The following PCGF1 variants were observed in gnomAD, a reference collection of about 807,000 sequenced individuals.
The protein encoded by PCGF1 is polycomb group RING finger protein 1.
A neutral mutation model predicts 38.8 loss-of-function variants in PCGF1; 10 were observed. That is an observed-to-expected ratio of 0.26 (90% CI 0.16 to 0.44). The LOEUF (loss-of-function observed/expected upper bound fraction) is 0.44, where lower values mean the gene tolerates loss of function less well. Among genes scored for constraint, PCGF1 ranks in the 20% least tolerant of loss-of-function variants. The probability of loss-of-function intolerance (pLI) is 1.00; values close to 1 mark genes in which losing one functional copy is unlikely to be tolerated. For synonymous variants in PCGF1, 119 were observed against 121.3 expected (o/e 0.98, Z 0.12); for missense variants, 230 against 331.5 (o/e 0.69, Z 2.38).
chr2:74,507,182 C>T (rs757645719), intron 1 of PCGF1, 35 bp from the exon 2 acceptor site: 3 of 1,600,750 alleles, frequency 1.9e-6, no homozygotes, highest in East Asian at 4.5e-5. Flanking sequence ...ATCATCCACC[C>T]TCAAACCCCA....
At chr2:74,506,302 G>A (rs1674632276) in intron 3 of PCGF1, 50 bp from the exon 4 acceptor site, 1 of 1,573,660 alleles carries the variant, frequency 6.4e-7, no homozygotes, top group Non-Finnish European at 8.7e-7. Context: ...TCGGGGCCGG[G>A]CGCGGTGGCT....
At chr2:74,507,343 C>G (rs1674664082) in intron 1 of PCGF1, 196 bp from the exon 2 acceptor site, 1 of 1,452,540 alleles carries the variant, frequency 6.9e-7, no homozygotes, top group African/African-American at 1.4e-5. Flanking sequence ...GGGGGCTTCC[C>G]TCACGTGGAC....
chr2:74,506,867 C>G lies in PCGF1; in HGVS notation c.217G>C (p.Val73Leu). Residue 73 changes from valine (V) to leucine (L), a missense_variant, in exon 3 of 9, where the codon GTG becomes CTG. Val to Leu is a conservative substitution (Grantham distance 32, BLOSUM62 1). This residue lies in a region of PCGF1 where 40 missense variants were observed against 113.2 expected (regional missense o/e 0.35). Transcript: ENST00000233630. ...TACTTGCTAGTTTGGAGGTACTTCA[C>G]AATACAACTCTTGCAGACTGCAGGA... ...CLHTFCKSCI[V>L]KYLQTSKYCP... 6.2e-7 allele frequency: 1 copy of G among 1,614,214 alleles called. No homozygotes were observed. The highest frequency in any genetic ancestry group is 8.5e-7 in the Non-Finnish European group (1 of 1,180,048).
At chr2:74,507,463 C>T (rs1674668578) in intron 1 of PCGF1, 113 bp downstream of exon 1, 5 of 1,495,502 alleles carry the variant, frequency 3.3e-6, no homozygotes, top group South Asian at 2.6e-5. Context: ...GCGCACTGGG[C>T]ACTCTGTCTC....
intron 3 of PCGF1, 199 bp from the exon 4 acceptor site, chr2:74,506,451 G>C: frequency 1.6e-6 from 1 of 615,488 alleles, no homozygotes; most frequent in Non-Finnish European, 2.8e-6. Flanking sequence ...GGTGGTGGGC[G>C]CCTGTAGTCC....
rs764811331 is a variant in PCGF1 at position 74,507,609 on chromosome 2, CTG to C, written c.58_59del (p.Gln20ValfsTer23). 1 of 1,588,928 alleles carries C rather than the reference CTG, an allele frequency of 6.3e-7. No individual in the cohort carries two copies. The highest frequency in any genetic ancestry group is 1.8e-5 in the Admixed American group (1 of 56,722). On this transcript the variant is annotated frameshift_variant, in exon 1 of 9. Coordinates refer to ENST00000233630, the MANE Select transcript of PCGF1 (RefSeq NM_032673.3). LOFTEE classifies it high-confidence loss of function. ...AIAMRLRNQL[Q>X]SVYKMDPLRN... is the part of the protein sequence containing the mutation. ...GTAGCGGGTCCATCTTGTACACTGACTGGAGCTGGTTCCGAAGCCTCATCGCG... is the reference window on the plus strand; with the variant it reads ...GTAGCGGGTCCATCTTGTACACTGACGAGCTGGTTCCGAAGCCTCATCGCG...
intron 6 of PCGF1, 41 bp downstream of exon 6, chr2:74,505,696 G>A (rs372394478): frequency 8.2e-5 from 132 of 1,613,964 alleles, no homozygotes; most frequent in Non-Finnish European, 1.1e-4. Flanking sequence ...ACCATGGGAG[G>A]TGAGTCTCCT....
At position 74,506,230 on chromosome 2, in the gene PCGF1, T is replaced by G. The variant is rs753479974; in HGVS notation, c.375A>C (p.Glu125Asp). 4 of 1,614,024 alleles carry G rather than the reference T, an allele frequency of 2.5e-6. No individual in the cohort carries two copies. In the African/African-American group the frequency reaches 5.3e-5, roughly 22 times the overall value. Residue 125 changes from glutamate (E) to aspartate (D), a missense_variant, in exon 4 of 9, where the codon GAA becomes GAC. This residue lies in a region of PCGF1 where 144 missense variants were observed against 182.4 expected (regional missense o/e 0.79). Transcript: ENST00000233630. ...GGTCCAAACCTCGGGACTGGTAGAA[T>G]TCCCGAATCCGTTTCTCTTCACCTA... ...LQDSEEKRIREFYQSRGLDRV... is the reference protein window; with the variant it reads ...LQDSEEKRIRDFYQSRGLDRV...
chr2:74,506,226 A>G lies in PCGF1; in HGVS notation c.379T>C (p.Tyr127His). The change falls in exon 4 of 9, where the codon TAC becomes CAC. Residue 127 changes from tyrosine to histidine, a missense_variant. Physicochemically the swap from Tyr to His is moderately conservative, Grantham distance 83 (BLOSUM62 2). Coordinates refer to ENST00000233630, the MANE Select transcript of PCGF1 (RefSeq NM_032673.3). The stretch of plus-strand genomic sequence containing the variant: ...ACCCGGTCCAAACCTCGGGACTGGT[A>G]GAATTCCCGAATCCGTTTCTCTTCA... ...DSEEKRIREF[Y>H]QSRGLDRVTQ... 2.5e-6 allele frequency: 4 copies of G among 1,614,158 alleles called. No individual in the cohort carries two copies. The highest frequency in any genetic ancestry group is 3.4e-6 in the Non-Finnish European group (4 of 1,180,020).
At position 74,505,642 on chromosome 2, in the gene PCGF1, G is replaced by C; in HGVS notation, c.565-4C>G. On this transcript the variant is annotated splice_polypyrimidine_tract_variant and splice_region_variant and intron_variant, in intron 6 of 8. Coordinates refer to ENST00000233630, the MANE Select transcript of PCGF1 (RefSeq NM_032673.3). ...CAGAACATCGGACATACTTGTTCTG[G>C]GAGCAGGGAGGGGAGGGAAGAGGGC... is the stretch of plus-strand genomic sequence containing the variant. The C allele has an allele frequency of 6.2e-7, 1 of 1,614,002 alleles. No individual in the cohort carries two copies. Among genetic ancestry groups the C allele is most frequent in the South Asian group, 1.1e-5 (1 of 91,066 alleles).
intron 3 of PCGF1, 92 bp downstream of exon 3, chr2:74,506,623 CCTCATCTTTGGCCTTCT>C: frequency 8.1e-7 from 1 of 1,236,538 alleles, no homozygotes; most frequent in Non-Finnish European, 1.2e-6. Flanking sequence ...TTTGTCCTTC[CCTCATCTTTGGCCTTCT>C]GCCTACGTGA....
At position 74,507,064 on chromosome 2, in the gene PCGF1, G is replaced by A; in HGVS notation, c.177C>T (p.Thr59=). 1 of 1,614,072 alleles carries A rather than the reference G, an allele frequency of 6.2e-7. No homozygotes were observed. The highest frequency in any genetic ancestry group is 8.5e-7 in the Non-Finnish European group (1 of 1,179,904). The part of the protein sequence containing the change: ...LCAGYFVDAT[T]ITECLHTFCK... ...CACAAGTATGAAGACACTCTGTGAT[G>A]GTGGTGGCATCCACGAAGTAGCCGG... The change falls in exon 2 of 9, where the codon ACC becomes ACT. Residue 59 remains threonine, a synonymous_variant. Transcript: ENST00000233630.
chr2:74,506,967 G>A, intron 2 of PCGF1, 75 bp downstream of exon 2: 3 of 1,599,506 alleles, frequency 1.9e-6, no homozygotes, highest in Non-Finnish European at 2.6e-6. Flanking sequence ...GCGTGAGGCA[G>A]GCCGCACAGA....
chr2:74,505,275 G>C (rs1484777471), intron 8 of PCGF1, 64 bp downstream of exon 8: 1 of 1,577,018 alleles, frequency 6.3e-7, no homozygotes, highest in Non-Finnish European at 8.6e-7. Flanking sequence ...TTCCCCTGAG[G>C]ACTGTAGGAT....
chr2:74,505,520 C>G (rs1312088630), intron 7 of PCGF1, 32 bp downstream of exon 7: 1 of 1,612,936 alleles, frequency 6.2e-7, no homozygotes, highest in East Asian at 2.2e-5. Context: ...GCCCCTTCTC[C>G]CCCTCAAGAA....
At chr2:74,506,577 GA>G (rs1392696894) in intron 3 of PCGF1, 154 bp downstream of exon 3, 7 of 854,974 alleles carry the variant, frequency 8.2e-6, no homozygotes, top group African/African-American at 1.7e-5. Context: ...CTCAAAAAAA[GA>G]AAAAAAAGAA....
Position 74,505,121 on chromosome 2 carries a change from G to A in PCGF1, c.*22C>T, listed in dbSNP as rs1235259036. 6.8e-7 allele frequency: 1 copy of A among 1,477,364 alleles called. No homozygotes were observed. The highest frequency in any genetic ancestry group is 9.0e-7 in the Non-Finnish European group (1 of 1,112,214). 91.5% of individuals were successfully genotyped at this position (1,477,364 alleles called of 1,614,324 possible). On this transcript the variant is annotated 3_prime_UTR_variant, in exon 9 of 9. Transcript: ENST00000233630. ...AATATCTGGGGAGGGAAGGGGAGTGGGATGGGGTGGGGGCTTGGCCCCTAC... is the reference window on the plus strand; with the variant it reads ...AATATCTGGGGAGGGAAGGGGAGTGAGATGGGGTGGGGGCTTGGCCCCTAC...
chr2:74,506,260 A>G lies in PCGF1; in HGVS notation c.353-8T>C. On this transcript the variant is annotated splice_polypyrimidine_tract_variant and splice_region_variant and intron_variant, in intron 3 of 8. Transcript: ENST00000233630. Reference sequence around the variant, plus strand: ...GAATCCGTTTCTCTTCACCTAGAAGAAGGTGAAGTATGAGAATAAAGTATT... The same window carrying G: ...GAATCCGTTTCTCTTCACCTAGAAGGAGGTGAAGTATGAGAATAAAGTATT... 1 of 1,613,122 alleles carries G rather than the reference A, an allele frequency of 6.2e-7. No individual in the cohort carries two copies. The highest frequency in any genetic ancestry group is 8.5e-7 in the Non-Finnish European group (1 of 1,179,442).
chr2:74,507,604 A>G lies in PCGF1; in HGVS notation c.65T>C (p.Val22Ala). ...GTTCCGTAGCGGGTCCATCTTGTAC[A>G]CTGACTGGAGCTGGTTCCGAAGCCT... is the stretch of plus-strand genomic sequence containing the variant. ...AMRLRNQLQS[V>A]YKMDPLRNEE... Residue 22 changes from valine (V) to alanine (A), a missense_variant, in exon 1 of 9, where the codon GTG becomes GCG. By Grantham distance (64) the Val-to-Ala change is moderately conservative. Transcript: ENST00000233630. The G allele has an allele frequency of 6.3e-7, 1 of 1,589,282 alleles. No individual in the cohort carries two copies. Among genetic ancestry groups the G allele is most frequent in the South Asian group, 1.1e-5 (1 of 87,124 alleles).
Sources: gnomAD v4.1 joint callset for allele counts on GRCh38, gnomAD v4.1.1 for gene constraint, gnomAD v4.1.1 regional missense constraint, MANE v1.5 for transcripts, NCBI Gene and HGNC (gene_info 2026-07-23, HGNC 2026-07-21) for gene names.